BRWD1: variants seen among roughly 807,000 people sequenced by gnomAD.
BRWD1 encodes bromodomain and WD repeat domain containing 1.
In BRWD1, 82 loss-of-function variants were observed where a neutral mutation model predicts 251.2. That is an observed-to-expected ratio of 0.33 (90% CI 0.27 to 0.39). The LOEUF (loss-of-function observed/expected upper bound fraction) is 0.39. Among genes scored for constraint, BRWD1 ranks in the 10% least tolerant of loss-of-function variants. The pLI is 1.00. For missense variants in BRWD1, 2,233 were observed against 2,711.6 expected (o/e 0.82, Z 3.92); for synonymous variants, 918 against 902.8 (o/e 1.02, Z -0.30).
In BRWD1 at chr21:39,236,691, T is replaced by A. The variant is rs761371795; in HGVS notation, c.2670A>T (p.Arg890=). Residue 890 remains arginine (R), a synonymous_variant, in exon 23 of 41, where the codon CGA becomes CGT. Transcript: ENST00000342449. ...LRTSCRRRIT[R]FCSSSEDEIS... ...TTTCATCTTCTGAACTACTACAAAA[T>A]CGAGTAATTCGTCGACGACATGATG... The A allele has an allele frequency of 1.2e-6, 2 of 1,614,122 alleles. No homozygotes were observed. Among genetic ancestry groups the A allele is most frequent in the Non-Finnish European group, 1.7e-6 (2 of 1,179,984 alleles).
At chr21:39,262,210 G>C (rs538040608) in intron 17 of BRWD1, among the ~76,000 whole-genome samples, 2 of 152,292 alleles carry the variant, frequency 1.3e-5, no homozygotes, top group East Asian at 1.9e-4. Flanking sequence ...CAAATTCCAC[G>C]TGACAGTTGG....
chr21:39,229,844 C>T (rs2033538646), intron 25 of BRWD1, among the ~76,000 whole-genome samples: 1 of 152,116 alleles, frequency 6.6e-6, no homozygotes, highest in Non-Finnish European at 1.5e-5. Flanking sequence ...ATCAATCCTC[C>T]CACATCAGCT....
At chr21:39,313,943 T>G (rs1042835384), upstream of BRWD1, 1 of 338,764 alleles carries the variant, frequency 3.0e-6, no homozygotes, top group Non-Finnish European at 5.7e-6. Context: ...AGCGGGCGGG[T>G]GCCGGGGGCG....
chr21:39,276,164 C>T lies in BRWD1; in HGVS notation c.1145+9G>A. The T allele has an allele frequency of 1.9e-6, 3 of 1,605,964 alleles. No individual in the cohort carries two copies. The highest frequency in any genetic ancestry group is 2.6e-6 in the Non-Finnish European group (3 of 1,174,928). ...AACACACACACACACATACAAAACA[C>T]ACACTTACCGATCACCATTGTTACA... On this transcript the variant is annotated intron_variant, in intron 12 of 40. Coordinates refer to ENST00000342449, the MANE Select transcript of BRWD1 (RefSeq NM_033656.4).
downstream of BRWD1, chr21:39,185,319 A>AAAAAAAAAAAAAAAAAAAAAC (rs2031167335): frequency 1.5e-5 from 2 of 132,832 alleles, 1 homozygote; most frequent in African/African-American, 5.7e-5. Flanking sequence ...AAAAAAAAAA[A>AAAAAAAAAAAAAAAAAAAAAC]AAACTTTGCA....
intron 36 of BRWD1, among the ~76,000 whole-genome samples, chr21:39,207,025 T>C (rs1290829846): frequency 2.0e-5 from 3 of 152,224 alleles, no homozygotes; most frequent in African/African-American, 7.2e-5. Flanking sequence ...ATGTGAGATA[T>C]ACGAATTTCT....
rs544033346 is a variant in BRWD1 at position 39,309,309 on chromosome 21, G to GGT, written c.198+3530_198+3531dup. On this transcript the variant is annotated intron_variant, in intron 4 of 40. Transcript: ENST00000342449. ...AGGGGAAAAAAAAAAAACTTAGCCAGGTGTGGTGGCACATGCCTGTGGTCC... is the reference window on the plus strand; with the variant it reads ...AGGGGAAAAAAAAAAAACTTAGCCAGGTGTGTGGTGGCACATGCCTGTGGTCC... Among the ~76,000 whole-genome samples, 31 of 150,058 alleles carry GGT rather than the reference G, an allele frequency of 2.1e-4. 1 individual carries two copies. The South Asian group carries it at 6.5e-3, about 31-fold the overall frequency.
Position 39,209,998 on chromosome 21 carries a change from T to G in BRWD1, c.4194A>C (p.Ser1398=). ...NAKAYTPNKR[S]KIYSMTLRLS... is the part of the protein sequence containing the mutation. ...AATAAACCACATAAAAAATTACCTT[T>G]GATCTTTTGTTTGGTGTATACGCTT... The change falls in exon 36 of 41, where the codon TCA becomes TCC. Residue 1398 remains serine (S), a synonymous_variant. Transcript: ENST00000342449. The G allele has an allele frequency of 6.2e-7, 1 of 1,610,138 alleles. No individual in the cohort carries two copies.
At chr21:39,198,118 CTTTTCAT>C (rs2031916369) in intron 40 of BRWD1, among the ~76,000 whole-genome samples, 1 of 152,208 alleles carries the variant, frequency 6.6e-6, no homozygotes, top group Non-Finnish European at 1.5e-5. Context: ...CACACAATTA[CTTTTCAT>C]CTTAGTTTTA....
upstream of BRWD1, among the ~76,000 whole-genome samples, chr21:39,316,232 A>G (rs2036696969): frequency 1.3e-5 from 2 of 152,240 alleles, no homozygotes; most frequent in Admixed American, 6.5e-5. Context: ...TATGTAGGAC[A>G]GTAAATCTGC....
At chr21:39,280,017 T>C (rs751226619) in intron 9 of BRWD1, 131 bp downstream of exon 9, 11 of 620,416 alleles carry the variant, frequency 1.8e-5, no homozygotes, top group Admixed American at 3.8e-5. Context: ...CTGTATATAA[T>C]AAAAATTAAG....
At chr21:39,207,050 A>G (rs1033245100) in intron 36 of BRWD1, among the ~76,000 whole-genome samples, 3 of 152,220 alleles carry the variant, frequency 2.0e-5, no homozygotes, top group Non-Finnish European at 1.5e-5. Flanking sequence ...TGCTTCTCAT[A>G]TACATATATA....
Position 39,193,575 on chromosome 21 carries a change from ATAGGAC to A in BRWD1, c.*2678_*2683del, listed in dbSNP as rs1200631813. On this transcript the variant is annotated 3_prime_UTR_variant, in exon 41 of 41. Transcript: ENST00000342449. ...TGTAAAACCATAAATGAATAAAACC[ATAGGAC>A]TTTGGACATACACAACCAAAGTAGT... The A allele has an allele frequency of 9.9e-5, 98 of 985,498 alleles. No individual in the cohort carries two copies. Among genetic ancestry groups the A allele is most frequent in the Non-Finnish European group, 1.2e-4 (96 of 829,758 alleles). The allele number at this position is 985,498 out of a possible 1,614,324, so 61.0% of individuals were successfully genotyped here.
rs751275491 is a variant in BRWD1 at position 39,197,235 on chromosome 21, A to G, written c.5834T>C (p.Val1945Ala). ...CACATTTTCTAAACTGACATCTTCT[A>G]CATCACTCATGAGCTTGATCTTATT... ...AANKIKLMSD[V>A]EDVSLENVHT... Residue 1945 changes from valine (V) to alanine (A), a missense_variant, in exon 41 of 41, where the codon GTA (valine) becomes GCA (alanine). Transcript: ENST00000342449. 3.1e-6 allele frequency: 5 copies of G among 1,614,062 alleles called. No homozygotes were observed. The highest frequency in any genetic ancestry group is 4.2e-6 in the Non-Finnish European group (5 of 1,179,938).
At chr21:39,241,860 A>G (rs4816620) in intron 21 of BRWD1, among the ~76,000 whole-genome samples, 91,867 of 151,960 alleles carry the variant, frequency 0.6, 27,999 homozygotes, top group Admixed American at 0.66. Flanking sequence ...TTTTTATTGT[A>G]TCTGTTACTG....
chr21:39,312,735 C>T, intron 4 of BRWD1, 106 bp downstream of exon 4: 1 of 778,696 alleles, frequency 1.3e-6, no homozygotes, highest in Non-Finnish European at 2.0e-6. Context: ...CCCCCCAGTG[C>T]GGGTCACACT....
chr21:39,214,150 A>G (rs1601290800), intron 32 of BRWD1, among the ~76,000 whole-genome samples: 1 of 152,118 alleles, frequency 6.6e-6, no homozygotes, highest in Admixed American at 6.6e-5. Flanking sequence ...GAAAGCTGAC[A>G]AGAATCAGTT....
chr21:39,292,165 G>A (rs560115396), intron 8 of BRWD1, among the ~76,000 whole-genome samples: 8 of 140,298 alleles, frequency 5.7e-5, no homozygotes, highest in African/African-American at 1.1e-4. Context: ...TGCCCAGGCC[G>A]GGTCTCAAAC....
upstream of BRWD1, chr21:39,314,338 C>T: frequency 2.2e-6 from 1 of 455,878 alleles, no homozygotes; most frequent in South Asian, 1.5e-5. Context: ...ACATAAAATG[C>T]AGCGCTTCGC....
Sources: gnomAD v4.1 joint callset for allele counts (sites outside exome capture counted in the v4.1 genomes callset) on GRCh38, gnomAD v4.1.1 for gene constraint, MANE v1.5 for transcripts, NCBI Gene and HGNC (gene_info 2026-07-23, HGNC 2026-07-21) for gene names.